The following MEIS1 variants were observed in gnomAD, a reference collection of about 807,000 sequenced individuals.
MEIS1 encodes the protein Meis homeobox 1.
Under a neutral mutation model 50.8 loss-of-function variants are expected in MEIS1, and 5 were observed. The ratio of observed to expected loss-of-function variants is 0.10; its 90% CI spans 0.05 to 0.21. The LOEUF is 0.21. MEIS1 is among the 10% of genes least tolerant of loss of function. The probability of loss-of-function intolerance (pLI) is 1.00; values close to 1 mark genes in which losing one functional copy is unlikely to be tolerated. For synonymous variants in MEIS1, 176 were observed against 179.3 expected (o/e 0.98, Z 0.15); for missense variants, 318 against 517.3 (o/e 0.61, Z 3.74).
intron 6 of MEIS1, among the ~76,000 whole-genome samples, chr2:66,452,551 T>C (rs1672299366): frequency 6.6e-6 from 1 of 151,976 alleles, no homozygotes; most frequent in Non-Finnish European, 1.5e-5. Context: ...ATTTTCATTT[T>C]AATTGTCATA....
intron 7 of MEIS1, among the ~76,000 whole-genome samples, chr2:66,484,916 A>G (rs1024651388): frequency 3.9e-5 from 6 of 152,170 alleles, no homozygotes; most frequent in Non-Finnish European, 7.4e-5. Context: ...GGCACCATAC[A>G]GTGAAAATGT....
intron 7 of MEIS1, chr2:66,509,050 A>G (rs1317055045): frequency 4.2e-6 from 2 of 471,506 alleles, no homozygotes; most frequent in Non-Finnish European, 8.8e-6. Context: ...TCAAAAGTAA[A>G]AAAGGAAAGA....
At chr2:66,442,838 C>T in intron 5 of MEIS1, 64 bp from the exon 6 acceptor site, 4 of 1,455,874 alleles carry the variant, frequency 2.7e-6, no homozygotes, top group Non-Finnish European at 9.1e-7. Flanking sequence ...GTGGATTGCA[C>T]TTGTCAATGT....
In MEIS1 at chr2:66,435,309, G is replaced by A. The variant is rs1231663542; in HGVS notation, c.-548G>A. The A allele has an allele frequency of 6.4e-6, 1 of 156,818 alleles. No homozygotes were observed. The highest frequency in any genetic ancestry group is 1.4e-5 in the Non-Finnish European group (1 of 71,332). 9.7% of individuals were successfully genotyped at this position (156,818 alleles called of 1,614,324 possible). A position where few individuals can be genotyped will look rare whatever the true frequency, so the allele number is the denominator to read the frequency against. On this transcript the variant is annotated 5_prime_UTR_variant, in exon 1 of 13. Transcript: ENST00000272369. ...AAAGAGGGAGAGAGAGGGAGAGAAA[G>A]AAAGAGAGAGAGAGAAGAGAGAAAC... is the stretch of plus-strand genomic sequence containing the variant.
intron 7 of MEIS1, among the ~76,000 whole-genome samples, chr2:66,505,446 T>C (rs959138183): frequency 6.6e-6 from 1 of 152,110 alleles, no homozygotes; most frequent in Non-Finnish European, 1.5e-5. Context: ...GGCTGTATTA[T>C]GTCTTCAGGG....
At chr2:66,488,998 A>G (rs906741758) in intron 7 of MEIS1, among the ~76,000 whole-genome samples, 1 of 152,176 alleles carries the variant, frequency 6.6e-6, no homozygotes, top group African/African-American at 2.4e-5. Flanking sequence ...GTTTTTAACT[A>G]TTTGATGAGA....
At chr2:66,516,286 A>G (rs190161577) in intron 8 of MEIS1, among the ~76,000 whole-genome samples, 32 of 152,260 alleles carry the variant, frequency 2.1e-4, no homozygotes. Context: ...GGGATAAGGG[A>G]GGGAGGTAGA....
rs918180398 is a variant in MEIS1 at position 66,435,362 on chromosome 2, G to A, written c.-495G>A. 2 of 183,978 alleles carry A rather than the reference G, an allele frequency of 1.1e-5. No homozygotes were observed. The highest frequency in any genetic ancestry group is 4.7e-5 in the African/African-American group (2 of 42,924). 11.4% of individuals were successfully genotyped at this position (183,978 alleles called of 1,614,324 possible). On this transcript the variant is annotated 5_prime_UTR_variant, in exon 1 of 13. Transcript: ENST00000272369. Reference sequence around the variant, plus strand: ...ATTAGGAATTAGGACTGATTCAAGGGAAGCGAGCGCTAGGGCTTTGTGCAT... The same window carrying A: ...ATTAGGAATTAGGACTGATTCAAGGAAAGCGAGCGCTAGGGCTTTGTGCAT...
At chr2:66,481,954 A>G (rs1673026945) in intron 7 of MEIS1, among the ~76,000 whole-genome samples, 1 of 145,434 alleles carries the variant, frequency 6.9e-6, no homozygotes, top group Non-Finnish European at 1.5e-5. Context: ...TTCCAGTTTC[A>G]AGTGATTCTC....
At chr2:66,455,001 G>A (rs1240337555) in intron 6 of MEIS1, among the ~76,000 whole-genome samples, 1 of 151,954 alleles carries the variant, frequency 6.6e-6, no homozygotes, top group African/African-American at 2.4e-5. Flanking sequence ...CAATTTATAG[G>A]TATGATTTCA....
intron 8 of MEIS1, among the ~76,000 whole-genome samples, chr2:66,531,683 G>A (rs200380247): frequency 6.6e-6 from 1 of 152,206 alleles, no homozygotes; most frequent in Non-Finnish European, 1.5e-5. Context: ...CGCTGACATT[G>A]CCGAAGGAAT....
intron 8 of MEIS1, 71 bp downstream of exon 8, chr2:66,512,365 GAA>G: frequency 6.8e-7 from 1 of 1,470,642 alleles, no homozygotes; most frequent in Middle Eastern, 1.8e-4. Flanking sequence ...AAAAAAATGA[GAA>G]AAAAGTGATC....
intron 6 of MEIS1, among the ~76,000 whole-genome samples, chr2:66,452,098 G>A (rs549813653): frequency 1.3e-5 from 2 of 151,988 alleles, no homozygotes; most frequent in South Asian, 4.1e-4. Context: ...AACTTTAGCA[G>A]TACAATTAAT....
intron 9 of MEIS1, among the ~76,000 whole-genome samples, chr2:66,557,534 G>A (rs961701875): frequency 1.3e-5 from 2 of 152,274 alleles, no homozygotes; most frequent in East Asian, 1.9e-4. Flanking sequence ...CATGGAATAC[G>A]TGGTATTTTG....
At chr2:66,518,153 G>C (rs371755797) in intron 8 of MEIS1, among the ~76,000 whole-genome samples, 1 of 152,104 alleles carries the variant, frequency 6.6e-6, no homozygotes, top group East Asian at 1.9e-4. Flanking sequence ...CGGAGGCATG[G>C]GGGAAAACAA....
intron 7 of MEIS1, among the ~76,000 whole-genome samples, chr2:66,471,972 A>G (rs1031820343): frequency 6.6e-6 from 1 of 152,260 alleles, no homozygotes; most frequent in Non-Finnish European, 1.5e-5. Flanking sequence ...TGGAGATATT[A>G]GCTTTAAAAA....
chr2:66,505,288 C>A (rs1261665746), intron 7 of MEIS1, among the ~76,000 whole-genome samples: 1 of 152,100 alleles, frequency 6.6e-6, no homozygotes, highest in African/African-American at 2.4e-5. Flanking sequence ...CACCTGTAGT[C>A]CTAGCTACTC....
chr2:66,562,362 G>T (rs554458363), intron 9 of MEIS1, among the ~76,000 whole-genome samples: 1 of 149,068 alleles, frequency 6.7e-6, no homozygotes, highest in African/African-American at 2.5e-5. Context: ...CAAAGACTGA[G>T]AATAAAAGGA....
At chr2:66,565,752 C>T (rs1180341387) in intron 9 of MEIS1, among the ~76,000 whole-genome samples, 2 of 152,152 alleles carry the variant, frequency 1.3e-5, no homozygotes, top group Non-Finnish European at 2.9e-5. Context: ...TTCCTTCCCT[C>T]TAAGAGTCTG....
Sources: gnomAD v4.1 joint callset for allele counts (sites outside exome capture counted in the v4.1 genomes callset) on GRCh38, gnomAD v4.1.1 for gene constraint, MANE v1.5 for transcripts, NCBI Gene and HGNC (gene_info 2026-07-23, HGNC 2026-07-21) for gene names.